The following WFDC13 variants were observed in gnomAD, a reference collection of about 807,000 sequenced individuals.
WFDC13 encodes WAP four-disulfide core domain 13, also known as WAP four-disulfide core domain protein 13.
A neutral mutation model predicts 10.9 loss-of-function variants in WFDC13; 6 were observed. That is an observed-to-expected ratio of 0.55 (90% confidence interval 0.30 to 1.09). The LOEUF is 1.09. WFDC13 is among the 50% of genes least tolerant of loss of function. WFDC13 has a pLI of 0.06. For synonymous variants in WFDC13, 38 were observed against 39.5 expected (o/e 0.96, Z 0.14); for missense variants, 104 against 109.6 (o/e 0.95, Z 0.23).
chr20:45,704,355 G>C (rs1440586186), intron 1 of WFDC13, 89 bp from the exon 2 acceptor site: 1 of 1,516,682 alleles, frequency 6.6e-7, no homozygotes, highest in East Asian at 2.3e-5. Context: ...AGGGTGGCAG[G>C]TTTCCTGGCA....
chr20:45,705,628 G>T lies in WFDC13; in HGVS notation c.240-235G>T, dbSNP rs76226778. Among the ~76,000 whole-genome samples, 62 of 152,284 alleles carry T rather than the reference G, an allele frequency of 4.1e-4. 1 individual carries two copies. Among genetic ancestry groups the T allele is most frequent in the African/African-American group, 1.5e-3 (62 of 41,554 alleles). On this transcript the variant is annotated intron_variant, in intron 2 of 3. Coordinates refer to ENST00000305479, the MANE Select transcript of WFDC13 (RefSeq NM_172005.2). The stretch of plus-strand genomic sequence containing the variant: ...GGGGATTAGGCAACCACTTCTCTTT[G>T]AAGAGACTAGCCCTTGCAATTAAAT...
At chr20:45,706,513 C>A (rs1984395720) in intron 3 of WFDC13, among the ~76,000 whole-genome samples, 1 of 152,126 alleles carries the variant, frequency 6.6e-6, no homozygotes, top group South Asian at 2.1e-4. Context: ...GTGACTCACA[C>A]CTGTAACCCC....
chr20:45,703,448 C>A (rs948312122), intron 1 of WFDC13, among the ~76,000 whole-genome samples: 1 of 152,142 alleles, frequency 6.6e-6, no homozygotes, highest in African/African-American at 2.4e-5. Flanking sequence ...TCATAATATC[C>A]TATAGATTTC....
At chr20:45,702,461 G>GCTCA (rs1241679918) in intron 1 of WFDC13, among the ~76,000 whole-genome samples, 1 of 152,128 alleles carries the variant, frequency 6.6e-6, no homozygotes, top group Non-Finnish European at 1.5e-5. Context: ...TGCAGACATA[G>GCTCA]CTCACTCTTA....
In WFDC13 at chr20:45,707,955, G is replaced by A. The variant is rs576378461; in HGVS notation, c.*120G>A. The stretch of plus-strand genomic sequence containing the variant: ...TAACCTGCAAATCGTTTTTGAGTTT[G>A]GCAATAAAGGCTAATCTACCATAAA... On this transcript the variant is annotated 3_prime_UTR_variant, in exon 4 of 4. Coordinates refer to ENST00000305479, the MANE Select transcript of WFDC13 (RefSeq NM_172005.2). The A allele has an allele frequency of 2.0e-5, 3 of 152,312 alleles. No individual in the cohort carries two copies. The highest frequency in any genetic ancestry group is 4.1e-4 in the South Asian group (2 of 4,830). 9.4% of individuals were successfully genotyped at this position (152,312 alleles called of 1,614,324 possible).
Position 45,703,812 on chromosome 20 carries a change from C to T in WFDC13, c.89-632C>T, listed in dbSNP as rs114723801. Reference sequence around the variant, plus strand: ...GTGCTCTGGCCTCCTGATCGAGAGACACCAAGGAAGAAAAAAGCTGAATCT... The same window carrying T: ...GTGCTCTGGCCTCCTGATCGAGAGATACCAAGGAAGAAAAAAGCTGAATCT... On this transcript the variant is annotated intron_variant, in intron 1 of 3. Coordinates refer to ENST00000305479, the MANE Select transcript of WFDC13 (RefSeq NM_172005.2). Among the ~76,000 whole-genome samples, 624 of 152,278 alleles carry T rather than the reference C, an allele frequency of 4.1e-3. 4 individuals are homozygous for T. The highest frequency in any genetic ancestry group is 0.014 in the African/African-American group (595 of 41,566).
chr20:45,703,813 A>G (rs1984275723), intron 1 of WFDC13, among the ~76,000 whole-genome samples: 1 of 152,210 alleles, frequency 6.6e-6, no homozygotes, highest in South Asian at 2.1e-4. Flanking sequence ...ATCGAGAGAC[A>G]CCAAGGAAGA....
intron 2 of WFDC13, chr20:45,705,306 T>C (rs977552041): frequency 1.1e-5 from 4 of 367,938 alleles, no homozygotes; most frequent in Admixed American, 8.1e-5. Flanking sequence ...ACTCAACCAA[T>C]GAGCCCTTTG....
At chr20:45,702,685 T>C (rs1042036016) in intron 1 of WFDC13, among the ~76,000 whole-genome samples, 2 of 152,218 alleles carry the variant, frequency 1.3e-5, no homozygotes, top group African/African-American at 4.8e-5. Flanking sequence ...AAAGGAAGTC[T>C]TGCCTTTTAT....
chr20:45,702,248 A>T, intron 1 of WFDC13, 37 bp downstream of exon 1: 2 of 1,582,992 alleles, frequency 1.3e-6, no homozygotes, highest in Non-Finnish European at 1.7e-6. Context: ...GGGAAGTAAC[A>T]TGTGTGGATA....
chr20:45,706,766 C>T (rs868766659), intron 3 of WFDC13, among the ~76,000 whole-genome samples: 14 of 103,408 alleles, frequency 1.4e-4, no homozygotes, highest in East Asian at 7.7e-4. Flanking sequence ...AGTGAGACTC[C>T]GTCTCAAAAA....
chr20:45,705,604 G>A (rs1984358708), intron 2 of WFDC13, among the ~76,000 whole-genome samples: 1 of 152,168 alleles, frequency 6.6e-6, no homozygotes, highest in South Asian at 2.1e-4. Context: ...GTGAATTTTG[G>A]GGATTAGGCA....
At chr20:45,707,075 C>T (rs185969292) in intron 3 of WFDC13, among the ~76,000 whole-genome samples, 43 of 152,358 alleles carry the variant, frequency 2.8e-4, no homozygotes, top group African/African-American at 7.5e-4. Flanking sequence ...GCAGTTTAGA[C>T]GCATGAGCAC....
intron 2 of WFDC13, 106 bp from the exon 3 acceptor site, chr20:45,705,757 G>A (rs904260036): frequency 9.3e-7 from 1 of 1,078,982 alleles, no homozygotes; most frequent in Middle Eastern, 2.3e-4. Context: ...CAAGAGAAAT[G>A]AGCTTCATGG....
At position 45,705,885 on chromosome 20, in the gene WFDC13, G is replaced by A; in HGVS notation, c.262G>A (p.Val88Ile). Reference sequence around the variant, plus strand: ...CAGAATCAAACACAAGGGCTCAGAAGTCATCATGCCTGCCAACTGAGGCAT... The same window carrying A: ...CAGAATCAAACACAAGGGCTCAGAAATCATCATGCCTGCCAACTGAGGCAT... Reference protein sequence around the residue: ...RNRIKHKGSEVIMPAN With the variant: ...RNRIKHKGSEIIMPAN The change falls in exon 3 of 4, where the codon GTC becomes ATC. Residue 88 changes from valine to isoleucine, a missense_variant. Physicochemically the swap from Val to Ile is conservative, Grantham distance 29. Coordinates refer to ENST00000305479, the MANE Select transcript of WFDC13 (RefSeq NM_172005.2). The A allele has an allele frequency of 6.2e-7, 1 of 1,614,002 alleles. No homozygotes were observed. The highest frequency in any genetic ancestry group is 1.3e-5 in the African/African-American group (1 of 75,038).
chr20:45,706,552 T>G (rs1308885310), intron 3 of WFDC13, among the ~76,000 whole-genome samples: 1 of 151,784 alleles, frequency 6.6e-6, no homozygotes, highest in African/African-American at 2.4e-5. Flanking sequence ...GGTGGACGGA[T>G]CACGAGGTCA....
chr20:45,702,910 C>A (rs757506962), intron 1 of WFDC13, among the ~76,000 whole-genome samples: 2 of 152,122 alleles, frequency 1.3e-5, no homozygotes, highest in Admixed American at 1.3e-4. Flanking sequence ...AGAATACTGG[C>A]GGCTCAGAAG....
intron 2 of WFDC13, 98 bp from the exon 3 acceptor site, chr20:45,705,765 T>G: frequency 8.7e-7 from 1 of 1,145,784 alleles, no homozygotes; most frequent in African/African-American, 1.6e-5. Context: ...ATGAGCTTCA[T>G]GGTCTAATAT....
At chr20:45,704,170 G>A (rs561186472) in intron 1 of WFDC13, among the ~76,000 whole-genome samples, 1 of 152,250 alleles carries the variant, frequency 6.6e-6, no homozygotes, top group South Asian at 2.1e-4. Flanking sequence ...TAGTCAATGG[G>A]GGCTTGGCAT....
Sources: gnomAD v4.1 joint callset for allele counts (sites outside exome capture counted in the v4.1 genomes callset) on GRCh38, gnomAD v4.1.1 for gene constraint, MANE v1.5 for transcripts, NCBI Gene and HGNC (gene_info 2026-07-23, HGNC 2026-07-21) for gene names.